Variants in FAM193A observed in about 807,000 individuals in gnomAD.
FAM193A encodes family with sequence similarity 193 member A, also known as protein FAM193A.
Under a neutral mutation model 126.5 loss-of-function variants are expected in FAM193A, and 22 were observed. That is an observed-to-expected ratio of 0.17 (90% CI 0.12 to 0.25). FAM193A has a LOEUF of 0.25. FAM193A is among the 10% of genes least tolerant of loss of function. FAM193A has a pLI of 1.00. For synonymous variants in FAM193A, 761 were observed against 646.8 expected (o/e 1.18, Z -2.68); for missense variants, 1,675 against 1,672.8 (o/e 1.00, Z -0.02).
intron 1 of FAM193A, among the ~76,000 whole-genome samples, chr4:2,583,845 C>G (rs1215819257): frequency 1.3e-5 from 2 of 152,152 alleles, no homozygotes; most frequent in Non-Finnish European, 2.9e-5. Flanking sequence ...CAGAAACAGT[C>G]ATGGATATGA....
intron 1 of FAM193A, among the ~76,000 whole-genome samples, chr4:2,577,235 A>T (rs1158559250): frequency 6.6e-6 from 1 of 152,074 alleles, no homozygotes; most frequent in African/African-American, 2.4e-5. Flanking sequence ...TTTGGTGTTA[A>T]AGCATTTAAT....
intron 1 of FAM193A, among the ~76,000 whole-genome samples, chr4:2,581,255 C>CTTTTTTTTT: frequency 7.4e-6 from 1 of 135,916 alleles, no homozygotes; most frequent in Non-Finnish European, 1.6e-5. Flanking sequence ...TTCTTTCTTT[C>CTTTTTTTTT]TTTTTTTTTT....
chr4:2,592,237 C>T (rs987413708), intron 1 of FAM193A, among the ~76,000 whole-genome samples: 7 of 152,000 alleles, frequency 4.6e-5, no homozygotes, highest in African/African-American at 9.7e-5. Flanking sequence ...TACAGATGTA[C>T]GCCACCACAC....
At chr4:2,682,738 CAACT>C (rs886257985) in intron 13 of FAM193A, among the ~76,000 whole-genome samples, 2 of 152,112 alleles carry the variant, frequency 1.3e-5, no homozygotes, top group Non-Finnish European at 2.9e-5. Flanking sequence ...AGTCCTTTTT[CAACT>C]AACTAATGTA....
At chr4:2,628,533 A>C (rs1243953572) in intron 4 of FAM193A, among the ~76,000 whole-genome samples, 4 of 152,230 alleles carry the variant, frequency 2.6e-5, no homozygotes, top group Non-Finnish European at 5.9e-5. Context: ...GTTGCTTGGG[A>C]GGCTGAGGCA....
chr4:2,585,834 A>G (rs1263141477), intron 1 of FAM193A, among the ~76,000 whole-genome samples: 1 of 152,164 alleles, frequency 6.6e-6, no homozygotes, highest in Non-Finnish European at 1.5e-5. Flanking sequence ...AGGCTGAGGC[A>G]GGGATAATTG....
chr4:2,647,084 G>A (rs1287472933), intron 7 of FAM193A, among the ~76,000 whole-genome samples: 1 of 152,194 alleles, frequency 6.6e-6, no homozygotes, highest in Non-Finnish European at 1.5e-5. Flanking sequence ...AGTTTTCCTT[G>A]GCCTGGGCAC....
intron 2 of FAM193A, among the ~76,000 whole-genome samples, chr4:2,604,725 G>A (rs1741425606): frequency 6.7e-6 from 1 of 148,350 alleles, no homozygotes; most frequent in African/African-American, 2.5e-5. Flanking sequence ...TTCTTATGCA[G>A]TATATATAGA....
intron 1 of FAM193A, among the ~76,000 whole-genome samples, chr4:2,542,382 T>G (rs1261988933): frequency 2.6e-5 from 4 of 152,084 alleles, no homozygotes; most frequent in African/African-American, 9.7e-5. Context: ...TCAAGTGATC[T>G]ATCTACCTGC....
At chr4:2,564,203 TCCTGAGTAGGTGGGAC>T (rs1304496508) in intron 1 of FAM193A, among the ~76,000 whole-genome samples, 4 of 152,086 alleles carry the variant, frequency 2.6e-5, no homozygotes, top group Non-Finnish European at 5.9e-5. Context: ...CATCTCAGCC[TCCTGAGTAGGTGGGAC>T]CATAGGCACC....
At chr4:2,643,347 T>TA (rs11396801) in intron 6 of FAM193A, among the ~76,000 whole-genome samples, 17,832 of 152,160 alleles carry the variant, frequency 0.12, 1,430 homozygotes, top group African/African-American at 0.23. Flanking sequence ...ATACATATGG[T>TA]ACAATTCACC....
chr4:2,704,631 C>G (rs1459205009), intron 19 of FAM193A, among the ~76,000 whole-genome samples: 1 of 152,094 alleles, frequency 6.6e-6, no homozygotes, highest in African/African-American at 2.4e-5. Context: ...TAGCTACGTC[C>G]AAGTTCTCCA....
rs770167873 is a variant in FAM193A, at chr4:2,690,734, G to T, written c.2567G>T (p.Arg856Ile). 6.2e-7 allele frequency: 1 copy of T among 1,613,786 alleles called. No homozygotes were observed. The highest frequency in any genetic ancestry group is 1.3e-5 in the African/African-American group (1 of 74,940). Reference protein sequence around the residue: ...EILGPTLSETRPEALPPPSSN... With the variant: ...EILGPTLSETIPEALPPPSSN... ...TTAGGGCCAACACTCTCAGAAACAAGACCGGAAGCCCTTCCACCTCCATCT... is the reference window on the plus strand; with the variant it reads ...TTAGGGCCAACACTCTCAGAAACAATACCGGAAGCCCTTCCACCTCCATCT... Residue 856 changes from arginine to isoleucine, a missense_variant, in exon 15 of 21, where the codon AGA becomes ATA. Arg to Ile is a moderately conservative substitution (Grantham distance 97, BLOSUM62 -3). Transcript: ENST00000637812.
chr4:2,566,459 G>A (rs562371660), intron 1 of FAM193A, among the ~76,000 whole-genome samples: 2 of 152,310 alleles, frequency 1.3e-5, no homozygotes, highest in Admixed American at 6.5e-5. Context: ...TGAGGATGAG[G>A]CGGACGGATC....
chr4:2,662,835 C>T lies in FAM193A; in HGVS notation c.1746-3C>T, dbSNP rs535352155. ...TCACAGTGACCATCTCTGCTTGTGTCAGTTGTAGTGATGATGAAGATGTTG... is the reference window on the plus strand; with the variant it reads ...TCACAGTGACCATCTCTGCTTGTGTTAGTTGTAGTGATGATGAAGATGTTG... On this transcript the variant is annotated splice_region_variant and splice_polypyrimidine_tract_variant and intron_variant, in intron 10 of 20. Coordinates refer to ENST00000637812, the MANE Select transcript of FAM193A (RefSeq NM_001366318.2). 1.4e-5 allele frequency: 23 copies of T among 1,605,182 alleles called. 1 individual carries two copies. The South Asian group carries it at 2.4e-4, about 17-fold the overall frequency.
intron 6 of FAM193A, among the ~76,000 whole-genome samples, chr4:2,641,053 A>AT (rs1220978805): frequency 6.6e-6 from 1 of 151,534 alleles, no homozygotes; most frequent in Non-Finnish European, 1.5e-5. Flanking sequence ...TATTTATTTT[A>AT]TTTTTGAGAC....
intron 1 of FAM193A, among the ~76,000 whole-genome samples, chr4:2,572,968 G>A (rs1239256849): frequency 6.6e-6 from 1 of 152,026 alleles, no homozygotes; most frequent in Non-Finnish European, 1.5e-5. Context: ...CTTCAGAAAT[G>A]ATTTCCTCTG....
intron 12 of FAM193A, among the ~76,000 whole-genome samples, chr4:2,666,513 G>C (rs1042918230): frequency 4.6e-5 from 7 of 152,298 alleles, no homozygotes; most frequent in African/African-American, 1.7e-4. Context: ...TGGTATCAGA[G>C]TAATACTGGC....
intron 19 of FAM193A, chr4:2,715,566 T>A: frequency 7.2e-6 from 7 of 966,792 alleles, no homozygotes; most frequent in Non-Finnish European, 8.7e-6. Context: ...CAAGGGCACA[T>A]TCGAGGGACA....
Sources: gnomAD v4.1 joint callset for allele counts (sites outside exome capture counted in the v4.1 genomes callset) on GRCh38, gnomAD v4.1.1 for gene constraint, MANE v1.5 for transcripts, NCBI Gene and HGNC (gene_info 2026-07-23, HGNC 2026-07-21) for gene names.